The following TXNL4A variants were observed in gnomAD, a reference collection of about 807,000 sequenced individuals.
TXNL4A encodes the protein thioredoxin-like protein 4A.
A neutral mutation model predicts 14.6 loss-of-function variants in TXNL4A; 17 were observed. That is an observed-to-expected ratio of 1.16 (90% CI 0.80 to 1.74). The LOEUF is 1.74. TXNL4A is among the 40% of genes most tolerant of loss of function. TXNL4A has a pLI of 0.00. For synonymous variants in TXNL4A, 83 were observed against 70.6 expected (o/e 1.18, Z -0.88); for missense variants, 74 against 195.2 (o/e 0.38, Z 3.70).
intron 1 of TXNL4A, among the ~76,000 whole-genome samples, chr18:80,031,487 C>T (rs1385814487): frequency 6.6e-6 from 1 of 152,182 alleles, no homozygotes; most frequent in East Asian, 1.9e-4. Context: ...AAACAGCAAA[C>T]CTTTTTCATT....
At chr18:80,019,171 C>G (rs572328494) in intron 1 of TXNL4A, among the ~76,000 whole-genome samples, 14 of 152,290 alleles carry the variant, frequency 9.2e-5, no homozygotes, top group African/African-American at 3.4e-4. Context: ...CTACTGGTAC[C>G]AATGTACTGC....
At chr18:80,007,707 T>C (rs2145111507) in intron 1 of TXNL4A, among the ~76,000 whole-genome samples, 1 of 152,186 alleles carries the variant, frequency 6.6e-6, no homozygotes, top group South Asian at 2.1e-4. Context: ...TGAGAGGGCC[T>C]CTCTCTTCCC....
chr18:80,002,365 G>T (rs1293368391), intron 1 of TXNL4A, among the ~76,000 whole-genome samples: 1 of 152,148 alleles, frequency 6.6e-6, no homozygotes, highest in Admixed American at 6.6e-5. Context: ...CCCTCCTAGG[G>T]TGATGGGAAA....
chr18:79,982,009 G>A lies in TXNL4A; in HGVS notation c.154-4308C>T, dbSNP rs1301907364. ...AAGGTCACGTGAGTGATGCCCAGCC[G>A]CACGGGGAAGGGGCAGAGCTGAGAT... is the stretch of plus-strand genomic sequence containing the variant. On this transcript the variant is annotated intron_variant, in intron 1 of 2. Coordinates refer to ENST00000269601, the MANE Select transcript of TXNL4A (RefSeq NM_006701.5). This position sits in a 1 kb window ranked among gnomAD's most constrained non-coding sequence, Gnocchi z 4.0. Among the ~76,000 whole-genome samples, 4 of 152,222 alleles carry A rather than the reference G, an allele frequency of 2.6e-5. No homozygotes were observed. Among genetic ancestry groups the A allele is most frequent in the East Asian group, 1.9e-4 (1 of 5,200 alleles).
At chr18:80,004,798 G>A (rs934990575) in intron 1 of TXNL4A, among the ~76,000 whole-genome samples, 17 of 152,180 alleles carry the variant, frequency 1.1e-4, no homozygotes, top group Middle Eastern at 3.2e-3. Flanking sequence ...GTGCGCAGTG[G>A]CTGCCGGTCC....
Position 80,011,655 on chromosome 18 carries a change from G to T in TXNL4A, c.-61+22196C>A, listed in dbSNP as rs978733734. ...TATGCCCCGAGAGCACAACCGCTCG[G>T]CGGCATTCCACAGGTGGCTCAGGGA... On this transcript the variant is annotated intron_variant, in intron 1 of 2. Transcript: ENST00000585474. This position sits in a 1 kb window ranked among gnomAD's most constrained non-coding sequence, Gnocchi z 4.1. 2.6e-5 allele frequency among the ~76,000 whole-genome samples: 4 copies of T among 152,144 alleles called. No homozygotes were observed. The highest frequency in any genetic ancestry group is 4.8e-5 in the African/African-American group (2 of 41,424).
intron 1 of TXNL4A, among the ~76,000 whole-genome samples, chr18:80,033,291 G>A (rs2051937517): frequency 1.4e-5 from 1 of 71,440 alleles, no homozygotes; most frequent in South Asian, 7.4e-4. Context: ...ATCCACACGC[G>A]CCCACACACA....
In TXNL4A at chr18:80,011,233, G is replaced by A. The variant is rs1304736550; in HGVS notation, c.-61+22618C>T. 2.0e-5 allele frequency among the ~76,000 whole-genome samples: 3 copies of A among 152,110 alleles called. No individual in the cohort carries two copies. The highest frequency in any genetic ancestry group is 6.6e-5 in the Admixed American group (1 of 15,264). ...CTAACCAGGCCCAAAACCAAGACTC[G>A]AATTTATTAAAAAGGGATTGTAGCC... On this transcript the variant is annotated intron_variant, in intron 1 of 2. Transcript: ENST00000585474. This position sits in a 1 kb window ranked among gnomAD's most constrained non-coding sequence, Gnocchi z 4.1.
chr18:79,979,401 G>A (rs1249060522), intron 1 of TXNL4A: 1 of 152,268 alleles, frequency 6.6e-6, no homozygotes, highest in Non-Finnish European at 1.5e-5. Flanking sequence ...CAGCGTTGCA[G>A]GTGAGGCCTG....
At chr18:80,009,919 C>G (rs986370329) in intron 1 of TXNL4A, among the ~76,000 whole-genome samples, 27 of 152,094 alleles carry the variant, frequency 1.8e-4, no homozygotes, top group African/African-American at 6.5e-4. Context: ...AGGTCATATA[C>G]CAGTTAAACT....
chr18:80,031,469 C>T (rs938123519), intron 1 of TXNL4A, among the ~76,000 whole-genome samples: 1 of 152,146 alleles, frequency 6.6e-6, no homozygotes, highest in Non-Finnish European at 1.5e-5. Flanking sequence ...TAATTCAGAC[C>T]CTGCCAAAAA....
chr18:79,970,814 G>T lies in TXNL4A; in HGVS notation c.*2871C>A. 1 of 209,690 alleles carries T rather than the reference G, an allele frequency of 4.8e-6. No individual in the cohort carries two copies. Among genetic ancestry groups the T allele is most frequent in the Non-Finnish European group, 9.7e-6 (1 of 102,894 alleles). 13.0% of individuals were successfully genotyped at this position (209,690 alleles called of 1,614,324 possible). On this transcript the variant is annotated 3_prime_UTR_variant, in exon 3 of 3. Coordinates refer to ENST00000269601, the MANE Select transcript of TXNL4A (RefSeq NM_006701.5). Reference sequence around the variant, plus strand: ...AAATATACAATAAACTTACAAATGTGGAATGTAATTATTTTATCTTTTTCT... The same window carrying T: ...AAATATACAATAAACTTACAAATGTTGAATGTAATTATTTTATCTTTTTCT...
chr18:79,987,977 A>T (rs1239046792), intron 1 of TXNL4A, among the ~76,000 whole-genome samples: 1 of 152,290 alleles, frequency 6.6e-6, no homozygotes, highest in Non-Finnish European at 1.5e-5. Context: ...TATCAACAGA[A>T]ATAATTAATT....
intron 1 of TXNL4A, chr18:79,986,848 C>G (rs2051557185): frequency 1.1e-6 from 1 of 877,340 alleles, no homozygotes; most frequent in African/African-American, 1.8e-5. Flanking sequence ...CAATTCTTCG[C>G]TGGATTTCCA....
chr18:80,014,360 C>T (rs2051792347), intron 1 of TXNL4A, among the ~76,000 whole-genome samples: 1 of 152,118 alleles, frequency 6.6e-6, no homozygotes, highest in Admixed American at 6.5e-5. Flanking sequence ...TTCCTATATA[C>T]AATAAAGGTA....
At chr18:79,994,773 C>T (rs1049144436) in intron 1 of TXNL4A, among the ~76,000 whole-genome samples, 2 of 152,094 alleles carry the variant, frequency 1.3e-5, no homozygotes, top group African/African-American at 4.8e-5. Context: ...CCCTTAGTGC[C>T]TCCCCTACCT....
rs999237768 is a variant in TXNL4A at position 79,972,724 on chromosome 18, A to C, written c.*961T>G. ...GTGATCTGCCCACCTCGGCCTCCCA[A>C]AGTGCTGGGATTACAGGTGTGAGCC... On this transcript the variant is annotated 3_prime_UTR_variant, in exon 3 of 3. Coordinates refer to ENST00000269601, the MANE Select transcript of TXNL4A (RefSeq NM_006701.5). 7.2e-5 allele frequency: 11 copies of C among 152,302 alleles called. No individual in the cohort carries two copies. The highest frequency in any genetic ancestry group is 2.6e-4 in the African/African-American group (11 of 41,540). The allele number at this position is 152,302 out of a possible 1,614,324, so 9.4% of individuals were successfully genotyped here. A position where few individuals can be genotyped will look rare whatever the true frequency, so the allele number is the denominator to read the frequency against.
chr18:79,990,961 AG>A (rs1391765920), upstream of TXNL4A, among the ~76,000 whole-genome samples: 1 of 149,684 alleles, frequency 6.7e-6, no homozygotes, highest in African/African-American at 2.5e-5. Flanking sequence ...AAAAAAAATT[AG>A]CCGGGCGCGG....
intron 1 of TXNL4A, among the ~76,000 whole-genome samples, chr18:80,008,542 C>G (rs982593748): frequency 6.6e-5 from 10 of 152,062 alleles, no homozygotes; most frequent in Admixed American, 6.5e-4. Context: ...TTTTATGTTC[C>G]CTGTTTTTAA....
Sources: gnomAD v4.1 joint callset for allele counts (sites outside exome capture counted in the v4.1 genomes callset) on GRCh38, gnomAD v4.1.1 for gene constraint, Gnocchi (gnomAD v3.1) non-coding constraint, MANE v1.5 for transcripts, NCBI Gene and HGNC (gene_info 2026-07-23, HGNC 2026-07-21) for gene names.